The following DPYD variants were observed in gnomAD, a reference collection of about 807,000 sequenced individuals.
DPYD encodes dihydropyrimidine dehydrogenase [NADP(+)].
DPYD carries 109 observed loss-of-function variants against 116.2 expected under a neutral mutation model. The observed-to-expected ratio is 0.94, with a 90% CI of 0.80 to 1.10. The LOEUF is 1.10. Ranked by LOEUF, DPYD falls within the 50% of genes least tolerant of loss-of-function variation. DPYD has a pLI of 0.00. For missense variants in DPYD, 1,302 were observed against 1,254.5 expected, an observed-to-expected ratio of 1.04 and a Z score of -0.57; for synonymous variants, 440 against 432.0, an observed-to-expected ratio of 1.02 and a Z score of -0.23.
intron 14 of DPYD, among the ~76,000 whole-genome samples, chr1:97,439,951 T>C (rs915198326): frequency 5.3e-5 from 8 of 151,862 alleles, no homozygotes; most frequent in African/African-American, 1.9e-4. Context: ...AATTTCTTTA[T>C]GATTTTTTCT....
intron 18 of DPYD, chr1:97,280,010 T>G (rs74104336): frequency 6.6e-6 from 1 of 152,076 alleles, no homozygotes; most frequent in African/African-American, 2.4e-5. Flanking sequence ...AAATTGTTTA[T>G]CCCCAGAGAA....
chr1:97,468,708 C>G (rs1677466231), intron 13 of DPYD, among the ~76,000 whole-genome samples: 1 of 152,136 alleles, frequency 6.6e-6, no homozygotes, highest in African/African-American at 2.4e-5. Flanking sequence ...GGATTTGACC[C>G]ACGGGGCTAT....
chr1:97,234,773 AT>A (rs544905665), intron 19 of DPYD, 78 bp downstream of exon 19: 4,271 of 1,328,242 alleles, frequency 3.2e-3, no homozygotes, highest in Non-Finnish European at 3.4e-3. Flanking sequence ...AAACGAATCT[AT>A]TTTTTTTTTG....
At chr1:97,195,564 A>G (rs985046051) in intron 19 of DPYD, among the ~76,000 whole-genome samples, 4 of 54,096 alleles carry the variant, frequency 7.4e-5, no homozygotes, top group Non-Finnish European at 1.0e-4. Flanking sequence ...GAGAGACAGA[A>G]CTCTCATATA....
At chr1:97,699,673 T>C (rs1661487546) in intron 5 of DPYD, 126 bp from the exon 6 acceptor site, 2 of 914,576 alleles carry the variant, frequency 2.2e-6, no homozygotes, top group Admixed American at 2.1e-5. Flanking sequence ...AGTATTAATA[T>C]GGTATACTTA....
intron 8 of DPYD, among the ~76,000 whole-genome samples, chr1:97,637,361 C>T (rs1657627053): frequency 6.6e-6 from 1 of 152,100 alleles, no homozygotes; most frequent in Admixed American, 6.6e-5. Context: ...TAACTTTAAC[C>T]ATTTATCCAG....
In DPYD at chr1:97,569,410, T is replaced by C. The variant is rs372424647; in HGVS notation, c.1339+4350A>G. ...AGGAAATATATATATTTATATCATA[T>C]ATAGAAATATATATTCATATATTTA... is the stretch of plus-strand genomic sequence containing the variant. On this transcript the variant is annotated intron_variant, in intron 11 of 22. Transcript: ENST00000370192. Among the ~76,000 whole-genome samples, 32 of 148,264 alleles carry C rather than the reference T, an allele frequency of 2.2e-4. No homozygotes were observed. In the East Asian group the frequency reaches 4.7e-3, roughly 22 times the overall value.
At chr1:97,302,647 C>T (rs1446102174) in intron 18 of DPYD, among the ~76,000 whole-genome samples, 3 of 151,856 alleles carry the variant, frequency 2.0e-5, no homozygotes, top group Non-Finnish European at 4.4e-5. Context: ...AAAGAGACCT[C>T]CCTCTGAAAC....
At chr1:97,097,997 A>C (rs1650389443) in intron 21 of DPYD, among the ~76,000 whole-genome samples, 1 of 152,142 alleles carries the variant, frequency 6.6e-6, no homozygotes, top group Non-Finnish European at 1.5e-5. Context: ...TCTTAGTGTA[A>C]TTTTTGTTAT....
chr1:97,674,399 CTT>C (rs1265336792), intron 8 of DPYD, among the ~76,000 whole-genome samples: 2 of 152,116 alleles, frequency 1.3e-5, no homozygotes, highest in Non-Finnish European at 2.9e-5. Context: ...GAAAGAAAAA[CTT>C]GGCAGAAGAA....
rs77191392 is a variant in DPYD, at chr1:97,848,591, T to G, written c.151-20395A>C. Among the ~76,000 whole-genome samples, 1,226 of 152,334 alleles carry G rather than the reference T, an allele frequency of 8.0e-3. 11 individuals carry two copies. The highest frequency in any genetic ancestry group is 0.028 in the African/African-American group (1,165 of 41,568). On this transcript the variant is annotated intron_variant, in intron 2 of 22. Transcript: ENST00000370192. ...GTATTAGTTTTCTTTTATGCGTATC[T>G]AGCATGAAAATATCAAGCACAATTA...
chr1:97,251,391 T>TAAAAAAAAAAA (rs10581072), intron 18 of DPYD, among the ~76,000 whole-genome samples: 11 of 95,320 alleles, frequency 1.2e-4, no homozygotes, highest in South Asian at 9.3e-4. Flanking sequence ...AAACTCTGTC[T>TAAAAAAAAAAA]AAAAAAAAAA....
chr1:97,438,201 G>A (rs933774048), intron 14 of DPYD, among the ~76,000 whole-genome samples: 4 of 151,916 alleles, frequency 2.6e-5, no homozygotes, highest in African/African-American at 9.7e-5. Flanking sequence ...TGTTTTGTAA[G>A]TCCTTTGCAC....
At position 97,479,140 on chromosome 1, in the gene DPYD, C is replaced by CT. The variant is rs1166010364; in HGVS notation, c.1741-28918dup. Reference sequence around the variant, plus strand: ...CATTTATGTGTTCAGAGGAGTGGCACTTTTAATTTCCTTCAAGAACATTTC... The same window carrying CT: ...CATTTATGTGTTCAGAGGAGTGGCACTTTTTAATTTCCTTCAAGAACATTTC... On this transcript the variant is annotated intron_variant, in intron 13 of 22. Transcript: ENST00000370192. Among the ~76,000 whole-genome samples, 16 of 152,232 alleles carry CT rather than the reference C, an allele frequency of 1.1e-4. 1 individual carries two copies. Among genetic ancestry groups the CT allele is most frequent in the African/African-American group, 3.6e-4 (15 of 41,554 alleles).
chr1:97,629,448 T>C (rs1433911411), intron 8 of DPYD, among the ~76,000 whole-genome samples: 1 of 152,064 alleles, frequency 6.6e-6, no homozygotes, highest in African/African-American at 2.4e-5. Context: ...AGTTGGTGCA[T>C]GAAGGGGGCA....
intron 11 of DPYD, among the ~76,000 whole-genome samples, chr1:97,568,294 A>C (rs1260555998): frequency 6.6e-6 from 1 of 152,176 alleles, no homozygotes; most frequent in Non-Finnish European, 1.5e-5. Context: ...AGTTAATATA[A>C]ATCAATTTAA....
At chr1:97,106,118 G>A (rs907981768) in intron 20 of DPYD, among the ~76,000 whole-genome samples, 1 of 152,110 alleles carries the variant, frequency 6.6e-6, no homozygotes, top group African/African-American at 2.4e-5. Flanking sequence ...ACTGTAGGAT[G>A]ATGGCGGTAG....
At chr1:97,698,413 T>C (rs115186639) in intron 6 of DPYD, among the ~76,000 whole-genome samples, 1,825 of 152,026 alleles carry the variant, frequency 0.012, 22 homozygotes, top group African/African-American at 0.036. Flanking sequence ...TTGAAATTTA[T>C]ACATTTATTA....
At chr1:97,734,052 T>A (rs1182250134) in intron 4 of DPYD, among the ~76,000 whole-genome samples, 1 of 152,116 alleles carries the variant, frequency 6.6e-6, no homozygotes. Flanking sequence ...GAAACATGCA[T>A]GGCAAATAAT....
Sources: gnomAD v4.1 joint callset for allele counts (sites outside exome capture counted in the v4.1 genomes callset) on GRCh38, gnomAD v4.1.1 for gene constraint, MANE v1.5 for transcripts, NCBI Gene and HGNC (gene_info 2026-07-23, HGNC 2026-07-21) for gene names.